Variants in HMGXB3 observed in about 807,000 individuals in gnomAD.
HMGXB3 encodes HMG-box containing 3, also known as HMG domain-containing protein 3.
In HMGXB3, 45 loss-of-function variants were observed where a neutral mutation model predicts 121.5. That is an observed-to-expected ratio of 0.37 (90% CI 0.29 to 0.47). The LOEUF (loss-of-function observed/expected upper bound fraction) is 0.47. Among genes scored for constraint, HMGXB3 ranks in the 20% least tolerant of loss-of-function variants. The probability of loss-of-function intolerance (pLI) is 0.99; values close to 1 mark genes in which losing one functional copy is unlikely to be tolerated. For missense variants in HMGXB3, 1,376 were observed against 1,602.2 expected, an observed-to-expected ratio of 0.86 and a Z score of 2.41; for synonymous variants, 590 against 624.1, an observed-to-expected ratio of 0.95 and a Z score of 0.81.
chr5:150,022,986 A>ATTT (rs56092645), intron 6 of HMGXB3, among the ~76,000 whole-genome samples: 59 of 100,848 alleles, frequency 5.9e-4, no homozygotes, highest in African/African-American at 7.5e-4. Context: ...TGCCTGGCTA[A>ATTT]TTTTTTTTTT....
At position 150,036,851 on chromosome 5, in the gene HMGXB3, C is replaced by T. The variant is rs749903257; in HGVS notation, c.2199C>T (p.Ile733=). ...LSNVSEETVT[I]EQTSWSNYYE... ...ACGTGAGTGAGGAGACAGTCACCAT[C>T]GAGCAAACCTCTTGGTCGAATTATT... Residue 733 remains isoleucine, a synonymous_variant, in exon 12 of 20, where the codon ATC becomes ATT. Coordinates refer to ENST00000502717, the MANE Select transcript of HMGXB3 (RefSeq NM_014983.3). 2.3e-5 allele frequency: 35 copies of T among 1,551,688 alleles called. No homozygotes were observed. In the South Asian group the frequency reaches 3.6e-4, roughly 16 times the overall value.
In HMGXB3 at chr5:150,049,768, C is replaced by T. The variant is rs537341891; in HGVS notation, c.3202-484C>T. On this transcript the variant is annotated intron_variant, in intron 18 of 19. Coordinates refer to ENST00000502717, the MANE Select transcript of HMGXB3 (RefSeq NM_014983.3). ...GGGGCCCTGTCAGTGGAGGTGTTTA[C>T]TAGGCTACATTGTGGATTCCCATCT... Among the ~76,000 whole-genome samples the T allele has an allele frequency of 2.0e-5, 3 of 152,252 alleles. No individual in the cohort carries two copies. The South Asian group carries it at 6.2e-4, about 32-fold the overall frequency.
chr5:150,050,201 T>C (rs1756856935), intron 18 of HMGXB3, 51 bp from the exon 19 acceptor site: 6 of 1,450,896 alleles, frequency 4.1e-6, no homozygotes. Flanking sequence ...GTACACTCTC[T>C]GCAGACTGGC....
At chr5:150,015,657 T>A (rs1165892651) in intron 5 of HMGXB3, among the ~76,000 whole-genome samples, 1 of 152,248 alleles carries the variant, frequency 6.6e-6, no homozygotes, top group Non-Finnish European at 1.5e-5. Flanking sequence ...TTAGTGGCAT[T>A]CCACAAATTC....
At chr5:150,036,607 G>A in intron 11 of HMGXB3, 29 bp from the exon 12 acceptor site, 3 of 1,502,192 alleles carry the variant, frequency 2.0e-6, no homozygotes, top group African/African-American at 2.8e-5. Flanking sequence ...TGCTCTGAGT[G>A]CTTGGTGATC....
intron 13 of HMGXB3, among the ~76,000 whole-genome samples, chr5:150,039,128 CTAATA>C (rs1169607244): frequency 1.3e-5 from 2 of 152,306 alleles, no homozygotes; most frequent in African/African-American, 4.8e-5. Flanking sequence ...TTCAGCCATT[CTAATA>C]GGTGTGTCTC....
At chr5:150,046,177 G>A (rs1030947957) in intron 16 of HMGXB3, among the ~76,000 whole-genome samples, 2 of 152,130 alleles carry the variant, frequency 1.3e-5, no homozygotes, top group African/African-American at 4.8e-5. Context: ...CCTCTGTCAG[G>A]TCCCATCATT....
chr5:150,027,125 C>A lies in HMGXB3; in HGVS notation c.1734+8C>A. 3 of 1,549,598 alleles carry A rather than the reference C, an allele frequency of 1.9e-6. No homozygotes were observed. Among genetic ancestry groups the A allele is most frequent in the South Asian group, 1.2e-5 (1 of 83,836 alleles). On this transcript the variant is annotated splice_region_variant and intron_variant, in intron 9 of 19. Transcript: ENST00000502717. ...GGCCCTGGTGAGGTGAAGGTAAGGC[C>A]CATTTTCCAGAGTGGGAGCTGTTTG...
At chr5:150,034,859 G>T (rs76375597) in intron 11 of HMGXB3, among the ~76,000 whole-genome samples, 1,647 of 152,218 alleles carry the variant, frequency 0.011, 21 homozygotes, top group African/African-American at 0.038. Flanking sequence ...CTGCCAAGTG[G>T]TCTTCCAGCT....
Position 150,040,738 on chromosome 5 carries a change from T to G in HMGXB3, c.2414-10T>G. Reference sequence around the variant, plus strand: ...CATTAATTTCCTTGTTGCCTCTTCTTAACCTGCAGGTCTCTTTAATGTGGG... The same window carrying G: ...CATTAATTTCCTTGTTGCCTCTTCTGAACCTGCAGGTCTCTTTAATGTGGG... On this transcript the variant is annotated splice_polypyrimidine_tract_variant and intron_variant, in intron 13 of 19. Transcript: ENST00000502717. 6.5e-7 allele frequency: 1 copy of G among 1,549,292 alleles called. No homozygotes were observed. The highest frequency in any genetic ancestry group is 8.7e-7 in the Non-Finnish European group (1 of 1,146,254).
chr5:150,045,546 G>A lies in HMGXB3; in HGVS notation c.2811G>A (p.Glu937=). The A allele has an allele frequency of 1.9e-6, 3 of 1,552,274 alleles. No individual in the cohort carries two copies. Among genetic ancestry groups the A allele is most frequent in the Non-Finnish European group, 2.6e-6 (3 of 1,147,102 alleles). Residue 937 remains glutamate, a synonymous_variant, in exon 16 of 20, where the codon GAG becomes GAA. Coordinates refer to ENST00000502717, the MANE Select transcript of HMGXB3 (RefSeq NM_014983.3). ...FWATMETEVI[E]QVAFPASIPI... is the part of the protein sequence containing the mutation. ...CCACGATGGAGACAGAGGTGATTGAGCAGGTGGCATTTCCTGCCAGCATCC... is the reference window on the plus strand; with the variant it reads ...CCACGATGGAGACAGAGGTGATTGAACAGGTGGCATTTCCTGCCAGCATCC...
At chr5:150,025,173 C>T (rs1453409524) in intron 7 of HMGXB3, among the ~76,000 whole-genome samples, 2 of 152,188 alleles carry the variant, frequency 1.3e-5, no homozygotes, top group South Asian at 2.1e-4. Flanking sequence ...ATCTTATCCT[C>T]ACAGGCTGAC....
At position 150,018,579 on chromosome 5, in the gene HMGXB3, C is replaced by T. The variant is rs1407917056; in HGVS notation, c.923C>T (p.Thr308Ile). 6.5e-7 allele frequency: 1 copy of T among 1,548,210 alleles called. No individual in the cohort carries two copies. Among genetic ancestry groups the T allele is most frequent in the East Asian group, 2.4e-5 (1 of 40,836 alleles). ...CTTTATTTACAGACCACTACATATACCCGCCGGGGCCATGGGACATGCACC... is the reference window on the plus strand; with the variant it reads ...CTTTATTTACAGACCACTACATATATCCGCCGGGGCCATGGGACATGCACC... Reference protein sequence around the residue: ...PTSIKLTTTYTRRGHGTCTSP... With the variant: ...PTSIKLTTTYIRRGHGTCTSP... Residue 308 changes from threonine (T) to isoleucine (I), a missense_variant, in exon 6 of 20, where the codon ACC (threonine) becomes ATC (isoleucine). Coordinates refer to ENST00000502717, the MANE Select transcript of HMGXB3 (RefSeq NM_014983.3).
intron 6 of HMGXB3, 136 bp downstream of exon 6, chr5:150,018,833 A>G (rs1318644671): frequency 6.1e-6 from 5 of 823,974 alleles, no homozygotes; most frequent in Non-Finnish European, 9.0e-6. Flanking sequence ...TTTCCATTGT[A>G]TATAGTTTGT....
intron 10 of HMGXB3, among the ~76,000 whole-genome samples, chr5:150,031,215 G>A (rs1756370184): frequency 6.6e-6 from 1 of 152,208 alleles, no homozygotes; most frequent in African/African-American, 2.4e-5. Flanking sequence ...CCCTAAAACA[G>A]AGTCCAGTTC....
At chr5:150,036,960 C>T (rs749354962) in intron 12 of HMGXB3, 23 bp downstream of exon 12, 1 of 1,529,440 alleles carries the variant, frequency 6.5e-7, no homozygotes, top group Non-Finnish European at 8.8e-7. Context: ...TAACTCTGCC[C>T]CTAGCTACCC....
intron 15 of HMGXB3, among the ~76,000 whole-genome samples, chr5:150,042,551 G>C (rs1177548208): frequency 6.6e-6 from 1 of 152,122 alleles, no homozygotes; most frequent in Non-Finnish European, 1.5e-5. Context: ...AGGAAGGCTT[G>C]CTGGGTATGA....
chr5:150,028,440 A>ATG (rs1251920343), intron 9 of HMGXB3, among the ~76,000 whole-genome samples: 1 of 137,288 alleles, frequency 7.3e-6, no homozygotes, highest in Non-Finnish European at 1.6e-5. Flanking sequence ...ATATATATGT[A>ATG]TGTGTGTGTA....
intron 5 of HMGXB3, among the ~76,000 whole-genome samples, chr5:150,013,536 A>C (rs1183905949): frequency 6.6e-6 from 1 of 152,154 alleles, no homozygotes; most frequent in African/African-American, 2.4e-5. Flanking sequence ...TCCACTTTTC[A>C]TATCAGGGTA....
Sources: gnomAD v4.1 joint callset for allele counts (sites outside exome capture counted in the v4.1 genomes callset) on GRCh38, gnomAD v4.1.1 for gene constraint, MANE v1.5 for transcripts, NCBI Gene and HGNC (gene_info 2026-07-23, HGNC 2026-07-21) for gene names.